Variants in SDK1 observed in about 807,000 individuals in gnomAD.
SDK1 encodes sidekick cell adhesion molecule 1, also known as protein sidekick-1.
Under a neutral mutation model 245.5 loss-of-function variants are expected in SDK1, and 157 were observed. The observed-to-expected ratio is 0.64, with a 90% confidence interval of 0.56 to 0.73. The LOEUF is 0.73. Among genes scored for constraint, SDK1 ranks in the 30% least tolerant of loss-of-function variants. The pLI is 0.00. For synonymous variants in SDK1, 1,647 were observed against 1,278.5 expected (o/e 1.29, Z -6.15); for missense variants, 3,583 against 3,002.3 (o/e 1.19, Z -4.52).
intron 4 of SDK1, among the ~76,000 whole-genome samples, chr7:3,761,420 G>C (rs917216100): frequency 6.6e-6 from 1 of 151,642 alleles, no homozygotes. Flanking sequence ...CAGGCGTGGT[G>C]GTGGGCACCT....
intron 32 of SDK1, among the ~76,000 whole-genome samples, chr7:4,163,420 C>G (rs578180824): frequency 1.3e-5 from 2 of 152,302 alleles, no homozygotes; most frequent in Admixed American, 6.5e-5. Context: ...GATGTCCCGG[C>G]CACATGCCCT....
intron 4 of SDK1, among the ~76,000 whole-genome samples, chr7:3,717,320 A>C (rs969793210): frequency 1.3e-5 from 2 of 152,236 alleles, no homozygotes; most frequent in African/African-American, 4.8e-5. Context: ...TGTGGATATT[A>C]AACAACTTCT....
chr7:3,304,115 A>T (rs1525553), intron 1 of SDK1, among the ~76,000 whole-genome samples: 1 of 152,090 alleles, frequency 6.6e-6, no homozygotes, highest in East Asian at 1.9e-4. Context: ...CAGACCCTCT[A>T]TGTAACTGAT....
At chr7:4,250,023 C>A (rs1276996465) in intron 44 of SDK1, among the ~76,000 whole-genome samples, 1 of 152,182 alleles carries the variant, frequency 6.6e-6, no homozygotes, top group Non-Finnish European at 1.5e-5. Flanking sequence ...AGCAGTCACT[C>A]CTCAATCTCC....
At chr7:3,610,633 A>G (rs1166253260) in intron 1 of SDK1, among the ~76,000 whole-genome samples, 1 of 152,256 alleles carries the variant, frequency 6.6e-6, no homozygotes, top group East Asian at 1.9e-4. Flanking sequence ...TGTTTCTACC[A>G]TCAGCTTCAA....
At chr7:3,711,102 A>G in intron 4 of SDK1, among the ~76,000 whole-genome samples, 1 of 152,226 alleles carries the variant, frequency 6.6e-6, no homozygotes, top group Non-Finnish European at 1.5e-5. Flanking sequence ...ATAGTTTCGT[A>G]TCCAAAAGTT....
intron 1 of SDK1, among the ~76,000 whole-genome samples, chr7:3,473,565 G>A (rs1431965158): frequency 6.6e-6 from 1 of 152,142 alleles, no homozygotes; most frequent in Non-Finnish European, 1.5e-5. Context: ...TGGGACGTTG[G>A]CTGTCCTAAA....
At chr7:3,622,509 A>G (rs916842708) in intron 2 of SDK1, among the ~76,000 whole-genome samples, 4 of 152,180 alleles carry the variant, frequency 2.6e-5, no homozygotes, top group African/African-American at 9.6e-5. Context: ...AAAATGGTGT[A>G]ACGGCTTTAT....
intron 1 of SDK1, among the ~76,000 whole-genome samples, chr7:3,588,981 C>T (rs1780774744): frequency 6.6e-6 from 1 of 152,142 alleles, no homozygotes; most frequent in Admixed American, 6.5e-5. Context: ...AGTATCTTGA[C>T]ATGGAGCAGT....
rs78999369 is a variant in SDK1 at position 3,319,236 on chromosome 7, G to A, written c.298+17352G>A. 5.2e-3 allele frequency among the ~76,000 whole-genome samples: 787 copies of A among 152,284 alleles called. 5 individuals carry two copies. The highest frequency in any genetic ancestry group is 0.018 in the African/African-American group (758 of 41,556). On this transcript the variant is annotated intron_variant, in intron 1 of 44. Transcript: ENST00000404826. ...TTTAACGTTCTGCTTCAGAGTACAA[G>A]CAGTTTAGCTGTGGGAAGCCCCCAC...
chr7:3,362,843 C>A (rs896994319), intron 1 of SDK1, among the ~76,000 whole-genome samples: 18 of 152,260 alleles, frequency 1.2e-4, no homozygotes, highest in Non-Finnish European at 2.4e-4. Flanking sequence ...CTGAGAAAAC[C>A]TTGGATAATT....
intron 4 of SDK1, among the ~76,000 whole-genome samples, chr7:3,744,581 A>G (rs1779563702): frequency 6.6e-6 from 1 of 152,084 alleles, no homozygotes; most frequent in Non-Finnish European, 1.5e-5. Flanking sequence ...GGAGGCCGAG[A>G]TGGGCAGATC....
chr7:4,208,640 CA>C (rs1448156163), intron 37 of SDK1, among the ~76,000 whole-genome samples: 2 of 152,230 alleles, frequency 1.3e-5, no homozygotes, highest in Admixed American at 1.3e-4. Context: ...TGGAACTTCC[CA>C]TCAGGGGCGC....
chr7:3,337,329 A>T (rs1474038780), intron 1 of SDK1, among the ~76,000 whole-genome samples: 1 of 152,162 alleles, frequency 6.6e-6, no homozygotes, highest in Non-Finnish European at 1.5e-5. Context: ...GAACTTGAAG[A>T]CAGAAAATTA....
chr7:4,258,338 G>A (rs894349389), intron 44 of SDK1, among the ~76,000 whole-genome samples: 10 of 152,172 alleles, frequency 6.6e-5, no homozygotes, highest in African/African-American at 2.4e-4. Flanking sequence ...GCAGCTGCAG[G>A]AGGAGGGGTG....
intron 1 of SDK1, among the ~76,000 whole-genome samples, chr7:3,496,004 A>G (rs1433702028): frequency 6.6e-6 from 1 of 152,212 alleles, no homozygotes; most frequent in Non-Finnish European, 1.5e-5. Flanking sequence ...TCACTATAAC[A>G]TTAAATAAGA....
At chr7:3,551,261 C>A (rs977443219) in intron 1 of SDK1, among the ~76,000 whole-genome samples, 5 of 152,178 alleles carry the variant, frequency 3.3e-5, no homozygotes, top group Admixed American at 3.3e-4. Context: ...ATTAATGTGT[C>A]AGCACCTCAT....
chr7:4,103,395 C>A (rs1465994844), intron 22 of SDK1, among the ~76,000 whole-genome samples: 3 of 152,208 alleles, frequency 2.0e-5, no homozygotes, highest in African/African-American at 7.2e-5. Context: ...CTAGAACATT[C>A]TTTCTTGGCC....
At chr7:3,902,943 A>G (rs576310794) in intron 5 of SDK1, among the ~76,000 whole-genome samples, 2 of 152,304 alleles carry the variant, frequency 1.3e-5, no homozygotes, top group African/African-American at 4.8e-5. Context: ...AAAAAGACAA[A>G]TGGCCTAATT....
Sources: allele counts gnomAD v4.1 joint callset (sites outside exome capture counted in the v4.1 genomes callset), GRCh38; gene constraint gnomAD v4.1.1; transcripts MANE v1.5; gene names NCBI Gene and HGNC (gene_info 2026-07-23, HGNC 2026-07-21).